Variants in GRB2 observed in about 807,000 individuals in gnomAD.
GRB2 encodes growth factor receptor-bound protein 2.
A neutral mutation model predicts 27.4 loss-of-function variants in GRB2; 2 were observed. The observed-to-expected ratio is 0.07, with a 90% CI of 0.03 to 0.23. GRB2 has a LOEUF of 0.23. Among genes scored for constraint, GRB2 ranks in the 10% least tolerant of loss-of-function variants. The pLI is 1.00. For synonymous variants in GRB2, 94 were observed against 99.6 expected (o/e 0.94, Z 0.33); for missense variants, 102 against 282.4 (o/e 0.36, Z 4.58).
intron 1 of GRB2, among the ~76,000 whole-genome samples, chr17:75,402,616 TG>T (rs1451278129): frequency 1.3e-5 from 2 of 152,200 alleles, no homozygotes; most frequent in Non-Finnish European, 2.9e-5. Context: ...TGATTCACTG[TG>T]GGGTACATCC....
chr17:75,344,924 G>A (rs2078645217), intron 2 of GRB2, among the ~76,000 whole-genome samples: 1 of 151,264 alleles, frequency 6.6e-6, no homozygotes, highest in Admixed American at 6.6e-5. Context: ...GCTCCTGTGT[G>A]TCAGTTCCAC....
intron 2 of GRB2, among the ~76,000 whole-genome samples, chr17:75,375,741 A>G (rs1346609911): frequency 6.6e-6 from 1 of 151,898 alleles, no homozygotes; most frequent in Admixed American, 6.6e-5. Flanking sequence ...AGTACTGGGG[A>G]CTGGCCGGGC....
At chr17:75,330,049 C>A (rs1034550606) in intron 3 of GRB2, among the ~76,000 whole-genome samples, 1 of 152,022 alleles carries the variant, frequency 6.6e-6, no homozygotes, top group Non-Finnish European at 1.5e-5. Flanking sequence ...TCTTGGCTTG[C>A]TGCAAGCTCT....
At chr17:75,335,665 G>C (rs568164949) in intron 2 of GRB2, among the ~76,000 whole-genome samples, 1 of 152,250 alleles carries the variant, frequency 6.6e-6, no homozygotes, top group East Asian at 1.9e-4. Flanking sequence ...TTAGGATAAG[G>C]TGATAAATCC....
chr17:75,361,101 T>C (rs985662519), intron 2 of GRB2, among the ~76,000 whole-genome samples: 1 of 152,120 alleles, frequency 6.6e-6, no homozygotes, highest in African/African-American at 2.4e-5. Flanking sequence ...GTACAATATA[T>C]TGTGTACCTG....
chr17:75,320,593 G>A lies in GRB2; in HGVS notation c.469-40C>T. The A allele has an allele frequency of 6.5e-7, 1 of 1,548,180 alleles. No homozygotes were observed. Among genetic ancestry groups the A allele is most frequent in the Non-Finnish European group, 8.9e-7 (1 of 1,122,410 alleles). On this transcript the variant is annotated intron_variant, in intron 5 of 5. Transcript: ENST00000316804. This position sits in a 1 kb window ranked among gnomAD's most constrained non-coding sequence, Gnocchi z 4.3. Reference sequence around the variant, plus strand: ...CAGGAAAAACCCACATTGCATTCCTGGTCTGTGACTGGCCACCTCCGAGGC... The same window carrying A: ...CAGGAAAAACCCACATTGCATTCCTAGTCTGTGACTGGCCACCTCCGAGGC...
chr17:75,324,682 T>C (rs2078487058), intron 4 of GRB2, among the ~76,000 whole-genome samples: 1 of 151,708 alleles, frequency 6.6e-6, no homozygotes, highest in African/African-American at 2.4e-5. Flanking sequence ...TATGCCTGGG[T>C]TATTTTCTAT....
At chr17:75,330,356 T>G (rs2078531164) in intron 3 of GRB2, among the ~76,000 whole-genome samples, 1 of 151,746 alleles carries the variant, frequency 6.6e-6, no homozygotes, top group African/African-American at 2.4e-5. Flanking sequence ...CACTCTAGCC[T>G]GGCGACAGAG....
At chr17:75,379,305 G>A (rs1373090680) in intron 2 of GRB2, among the ~76,000 whole-genome samples, 1 of 151,828 alleles carries the variant, frequency 6.6e-6, no homozygotes, top group African/African-American at 2.4e-5. Flanking sequence ...TGGGCATCAG[G>A]AGGGAATTAT....
chr17:75,335,441 C>T (rs1598222445), intron 2 of GRB2, among the ~76,000 whole-genome samples: 2 of 152,098 alleles, frequency 1.3e-5, no homozygotes, highest in Admixed American at 1.3e-4. Context: ...AGCTGGATTG[C>T]TCTAAAGTGA....
At chr17:75,398,850 C>T (rs1041363770) in intron 1 of GRB2, among the ~76,000 whole-genome samples, 86 of 151,994 alleles carry the variant, frequency 5.7e-4, no homozygotes, top group African/African-American at 2.0e-3. Context: ...TGGGTTCAAG[C>T]GATTCTCCTG....
At chr17:75,354,264 T>TTGGGGC (rs1555610715) in intron 2 of GRB2, among the ~76,000 whole-genome samples, 1 of 38,252 alleles carries the variant, frequency 2.6e-5, no homozygotes, top group African/African-American at 8.3e-5. Context: ...TCTTTTTTTT[T>TTGGGGC]GGGGGGGGGG....
intron 2 of GRB2, among the ~76,000 whole-genome samples, chr17:75,343,687 A>G (rs201592999): frequency 3.2e-5 from 1 of 30,916 alleles, no homozygotes; most frequent in Admixed American, 6.2e-4. Context: ...GCATAGACAA[A>G]CCCCAAAATA....
chr17:75,396,861 A>G (rs2079031885), intron 1 of GRB2, among the ~76,000 whole-genome samples: 1 of 152,226 alleles, frequency 6.6e-6, no homozygotes, highest in African/African-American at 2.4e-5. Flanking sequence ...TGAAAAACAG[A>G]AATCAGATAG....
intron 2 of GRB2, among the ~76,000 whole-genome samples, chr17:75,354,472 G>A (rs1006506194): frequency 6.6e-6 from 1 of 152,128 alleles, no homozygotes; most frequent in African/African-American, 2.4e-5. Context: ...CACATTGCCA[G>A]TGCTTCTCGT....
chr17:75,321,333 C>T (rs921525106), intron 5 of GRB2, among the ~76,000 whole-genome samples: 5 of 151,974 alleles, frequency 3.3e-5, no homozygotes, highest in African/African-American at 9.7e-5. Flanking sequence ...TGCGCCACCA[C>T]ATCCAGCTAA....
At chr17:75,346,548 C>G (rs1385179396) in intron 2 of GRB2, among the ~76,000 whole-genome samples, 1 of 150,522 alleles carries the variant, frequency 6.6e-6, no homozygotes, top group Admixed American at 6.6e-5. Context: ...ATCTGTCTCT[C>G]CAGATCCAGT....
intron 2 of GRB2, among the ~76,000 whole-genome samples, chr17:75,388,798 A>C (rs1444795279): frequency 6.6e-6 from 1 of 152,116 alleles, no homozygotes; most frequent in African/African-American, 2.4e-5. Context: ...ACTGAAACTC[A>C]GGACTTATAA....
chr17:75,354,183 T>C (rs1470284425), intron 2 of GRB2, among the ~76,000 whole-genome samples: 3 of 150,090 alleles, frequency 2.0e-5, no homozygotes, highest in Non-Finnish European at 4.4e-5. Context: ...CTGAACAGCA[T>C]TTTCCCTCAG....
Sources: gnomAD v4.1 joint callset for allele counts (sites outside exome capture counted in the v4.1 genomes callset) on GRCh38, gnomAD v4.1.1 for gene constraint, Gnocchi (gnomAD v3.1) non-coding constraint, MANE v1.5 for transcripts, NCBI Gene and HGNC (gene_info 2026-07-23, HGNC 2026-07-21) for gene names.